CSMD1: variants seen among roughly 807,000 people sequenced by gnomAD.
CSMD1 encodes the protein CUB and Sushi multiple domains 1.
Under a neutral mutation model 417.5 loss-of-function variants are expected in CSMD1, and 213 were observed. The observed-to-expected ratio is 0.51, with a 90% CI of 0.46 to 0.57. The LOEUF is 0.57. CSMD1 is among the 20% of genes least tolerant of loss of function. The pLI is 0.00. For synonymous variants in CSMD1, 2,862 were observed against 1,736.8 expected, an observed-to-expected ratio of 1.65 and a Z score of -16.11; for missense variants, 6,923 against 4,529.7, an observed-to-expected ratio of 1.53 and a Z score of -15.17.
intron 61 of CSMD1, 91 bp from the exon 62 acceptor site, chr8:2,961,305 G>C (rs547130796): frequency 1.2e-4 from 81 of 649,932 alleles, no homozygotes; most frequent in African/African-American, 1.2e-3. Context: ...TCATGAAATA[G>C]AGAAAATATT....
At chr8:4,887,114 CTA>C (rs970796646) in intron 1 of CSMD1, among the ~76,000 whole-genome samples, 83 of 152,084 alleles carry the variant, frequency 5.5e-4, no homozygotes, top group African/African-American at 2.0e-3. Flanking sequence ...ACATTTACAG[CTA>C]TAAATATTCA....
chr8:4,804,333 G>A (rs1327825560), intron 1 of CSMD1, among the ~76,000 whole-genome samples: 1 of 152,144 alleles, frequency 6.6e-6, no homozygotes, highest in African/African-American at 2.4e-5. Context: ...GCTATGGAAT[G>A]TTCAGAAATT....
At chr8:3,509,398 C>A (rs11136631) in intron 10 of CSMD1, among the ~76,000 whole-genome samples, 85,632 of 151,976 alleles carry the variant, frequency 0.56, 24,592 homozygotes, top group African/African-American at 0.66. Flanking sequence ...CTATTAAATA[C>A]AATTTTAGAC....
intron 23 of CSMD1, among the ~76,000 whole-genome samples, chr8:3,342,468 ATACTT>A (rs1380040354): frequency 6.6e-6 from 1 of 152,202 alleles, no homozygotes; most frequent in East Asian, 1.9e-4. Context: ...ACAATTTTAT[ATACTT>A]TAAACATTTT....
At chr8:3,884,246 T>C (rs955556919) in intron 5 of CSMD1, among the ~76,000 whole-genome samples, 1 of 152,216 alleles carries the variant, frequency 6.6e-6, no homozygotes. Flanking sequence ...ACGCCTCTAA[T>C]GGCAAGTCTA....
rs935332600 is a variant in CSMD1 at position 3,190,771 on chromosome 8, G to A, written c.5195-656C>T. On this transcript the variant is annotated intron_variant, in intron 33 of 69. Transcript: ENST00000635120. ...CATCAGATGAACAGATAAAGAAAACGTGGAGTAGATAAAAGAAGAAATTCT... is the reference window on the plus strand; with the variant it reads ...CATCAGATGAACAGATAAAGAAAACATGGAGTAGATAAAAGAAGAAATTCT... 8.5e-5 allele frequency among the ~76,000 whole-genome samples: 13 copies of A among 152,292 alleles called. No individual in the cohort carries two copies. In the South Asian group the frequency reaches 2.7e-3, roughly 32 times the overall value.
intron 2 of CSMD1, among the ~76,000 whole-genome samples, chr8:4,579,950 T>G (rs1390255645): frequency 6.6e-6 from 1 of 152,184 alleles, no homozygotes; most frequent in Non-Finnish European, 1.5e-5. Context: ...GTATTTTATG[T>G]TTACATTTCC....
chr8:4,660,949 A>C (rs1420102133), intron 1 of CSMD1, among the ~76,000 whole-genome samples: 1 of 152,220 alleles, frequency 6.6e-6, no homozygotes, highest in Non-Finnish European at 1.5e-5. Context: ...GGCTAAGCTT[A>C]AAAGAAAAAT....
chr8:3,446,652 T>C (rs1224315818), intron 12 of CSMD1, among the ~76,000 whole-genome samples: 1 of 152,154 alleles, frequency 6.6e-6, no homozygotes, highest in African/African-American at 2.4e-5. Flanking sequence ...GGAATCTAGT[T>C]AGGAAAAAAA....
At chr8:4,067,155 A>G (rs762816521) in intron 3 of CSMD1, among the ~76,000 whole-genome samples, 1 of 152,252 alleles carries the variant, frequency 6.6e-6, no homozygotes, top group Non-Finnish European at 1.5e-5. Flanking sequence ...AAGGGAAAGC[A>G]AGGATGAAAG....
intron 12 of CSMD1, among the ~76,000 whole-genome samples, chr8:3,415,680 T>G (rs1254582933): frequency 6.6e-6 from 1 of 152,072 alleles, no homozygotes; most frequent in East Asian, 1.9e-4. Flanking sequence ...CATTTATAGG[T>G]GTGTGTGTAT....
At chr8:3,796,341 T>G (rs145545866) in intron 5 of CSMD1, among the ~76,000 whole-genome samples, 2,275 of 96,048 alleles carry the variant, frequency 0.024, 98 homozygotes, top group Middle Eastern at 0.05. Context: ...GATATAGATA[T>G]ATATCTATCA....
chr8:2,981,997 TCTCTA>T (rs1004587405), intron 54 of CSMD1, among the ~76,000 whole-genome samples: 1 of 152,158 alleles, frequency 6.6e-6, no homozygotes, highest in African/African-American at 2.4e-5. Flanking sequence ...TAAGCTATTT[TCTCTA>T]CTCTATATAC....
chr8:3,599,356 T>C (rs1801249926), intron 8 of CSMD1, among the ~76,000 whole-genome samples: 1 of 152,128 alleles, frequency 6.6e-6, no homozygotes, highest in African/African-American at 2.4e-5. Context: ...CAACACGGCA[T>C]TATTAACCCC....
At chr8:3,520,305 A>G (rs979513912) in intron 10 of CSMD1, among the ~76,000 whole-genome samples, 3 of 152,168 alleles carry the variant, frequency 2.0e-5, no homozygotes, top group African/African-American at 4.8e-5. Flanking sequence ...CAAAATGTTG[A>G]AGAACTGGCT....
At chr8:3,467,750 G>A (rs1466517665) in intron 12 of CSMD1, among the ~76,000 whole-genome samples, 1 of 152,128 alleles carries the variant, frequency 6.6e-6, no homozygotes, top group African/African-American at 2.4e-5. Context: ...ATGGACTCAT[G>A]ACAATGTCCC....
intron 2 of CSMD1, among the ~76,000 whole-genome samples, chr8:4,527,285 G>C (rs754484453): frequency 3.9e-5 from 6 of 152,134 alleles, no homozygotes; most frequent in Admixed American, 1.3e-4. Flanking sequence ...ATATGATCAG[G>C]AATGAGCTGT....
At chr8:4,443,877 G>C (rs1480002721) in intron 2 of CSMD1, among the ~76,000 whole-genome samples, 1 of 152,140 alleles carries the variant, frequency 6.6e-6, no homozygotes, top group Non-Finnish European at 1.5e-5. Context: ...AAAACACTCA[G>C]CTATGTTTTC....
At chr8:3,973,424 A>G (rs1813214687) in intron 5 of CSMD1, among the ~76,000 whole-genome samples, 1 of 152,228 alleles carries the variant, frequency 6.6e-6, no homozygotes, top group Admixed American at 6.5e-5. Flanking sequence ...AGTGAAGTTT[A>G]TGCAAATTAT....
Sources: gnomAD v4.1 joint callset for allele counts (sites outside exome capture counted in the v4.1 genomes callset) on GRCh38, gnomAD v4.1.1 for gene constraint, MANE v1.5 for transcripts, NCBI Gene and HGNC (gene_info 2026-07-23, HGNC 2026-07-21) for gene names.